SLC24A4: variants seen among roughly 807,000 people sequenced by gnomAD.
SLC24A4 encodes the protein sodium/potassium/calcium exchanger 4.
A neutral mutation model predicts 79.0 loss-of-function variants in SLC24A4; 53 were observed. The observed-to-expected ratio is 0.67, with a 90% CI of 0.54 to 0.84. SLC24A4 has a LOEUF of 0.84. Among genes scored for constraint, SLC24A4 ranks in the 40% least tolerant of loss-of-function variants. SLC24A4 has a pLI of 0.00. For synonymous variants in SLC24A4, 323 were observed against 323.8 expected, an observed-to-expected ratio of 1.00 and a Z score of 0.03; for missense variants, 731 against 822.0, an observed-to-expected ratio of 0.89 and a Z score of 1.35.
At position 92,454,186 on chromosome 14, in the gene SLC24A4, G is replaced by A. The variant is rs544037311; in HGVS notation, c.1050+117G>A. The A allele has an allele frequency of 1.9e-4, 216 of 1,119,126 alleles. 3 individuals carry two copies. In the South Asian group the frequency reaches 3.3e-3, roughly 17 times the overall value. The allele number at this position is 1,119,126 out of a possible 1,614,324, so 69.3% of individuals were successfully genotyped here. A position where few individuals can be genotyped will look rare whatever the true frequency, so the allele number is the denominator to read the frequency against. On this transcript the variant is annotated intron_variant, in intron 11 of 16. Coordinates refer to ENST00000532405, the MANE Select transcript of SLC24A4 (RefSeq NM_153646.4). ...CACCTGTTTAAGGAAGGATGCCCTG[G>A]GGCCTCCAGAAGCCTGCCCATCAGC...
At chr14:92,465,688 C>T (rs956528207) in intron 12 of SLC24A4, among the ~76,000 whole-genome samples, 3 of 152,136 alleles carry the variant, frequency 2.0e-5, no homozygotes, top group Non-Finnish European at 4.4e-5. Context: ...CTGTGTCACT[C>T]GACTGTGCCT....
chr14:92,483,924 G>A, intron 13 of SLC24A4: 1 of 1,265,218 alleles, frequency 7.9e-7, no homozygotes, highest in Non-Finnish European at 1.0e-6. Flanking sequence ...GCTGGCCCAG[G>A]GGCCACCTTT....
intron 12 of SLC24A4, among the ~76,000 whole-genome samples, chr14:92,471,552 C>T (rs758486559): frequency 6.6e-6 from 1 of 152,118 alleles, no homozygotes; most frequent in Non-Finnish European, 1.5e-5. Context: ...AAGGTTGACC[C>T]TTGTTATATT....
At chr14:92,365,846 G>T (rs902603965) in intron 2 of SLC24A4, among the ~76,000 whole-genome samples, 1 of 152,154 alleles carries the variant, frequency 6.6e-6, no homozygotes, top group South Asian at 2.1e-4. Context: ...GCCCAAGGTC[G>T]CATGGTGTAA....
Position 92,494,196 on chromosome 14 carries a change from C to A in SLC24A4, c.*568C>A, listed in dbSNP as rs1353485833. The A allele has an allele frequency of 6.6e-6, 1 of 152,596 alleles. No homozygotes were observed. The highest frequency in any genetic ancestry group is 1.9e-4 in the East Asian group (1 of 5,198). 9.5% of individuals were successfully genotyped at this position (152,596 alleles called of 1,614,324 possible). On this transcript the variant is annotated 3_prime_UTR_variant, in exon 17 of 17. Transcript: ENST00000532405. This position sits in a 1 kb window ranked among gnomAD's most constrained non-coding sequence, Gnocchi z 4.6. ...GGCCCATGATGGCAGACATTCTACC[C>A]CTTTTCCTGGAAAAACTGGAAGAAT...
chr14:92,364,815 C>T (rs1055895890), intron 2 of SLC24A4, among the ~76,000 whole-genome samples: 1 of 152,226 alleles, frequency 6.6e-6, no homozygotes, highest in African/African-American at 2.4e-5. Flanking sequence ...CCTGCTCCAT[C>T]ATAGCCAACG....
At chr14:92,364,833 A>G (rs1017696327) in intron 2 of SLC24A4, among the ~76,000 whole-genome samples, 7 of 151,886 alleles carry the variant, frequency 4.6e-5, no homozygotes, top group African/African-American at 1.7e-4. Flanking sequence ...ACGGAATCTC[A>G]AGCATGTCTG....
chr14:92,372,981 CTCTCCCTCT>C (rs1432003459), intron 2 of SLC24A4, among the ~76,000 whole-genome samples: 1,400 of 136,370 alleles, frequency 0.01, 51 homozygotes, highest in Non-Finnish European at 0.017. Context: ...CCCCCCCTCC[CTCTCCCTCT>C]CTCTCTCTTC....
chr14:92,381,349 C>T (rs1252374308), intron 2 of SLC24A4, among the ~76,000 whole-genome samples: 1 of 125,896 alleles, frequency 7.9e-6, no homozygotes, highest in Non-Finnish European at 1.8e-5. Flanking sequence ...CCAAACACTG[C>T]ATGTTCTCAC....
At chr14:92,352,904 A>C (rs1041081383) in intron 2 of SLC24A4, among the ~76,000 whole-genome samples, 4 of 152,340 alleles carry the variant, frequency 2.6e-5, no homozygotes, top group South Asian at 4.1e-4. Context: ...TTGTCTGAGA[A>C]TGTCATTCTA....
chr14:92,386,710 G>C (rs1889177130), intron 2 of SLC24A4, among the ~76,000 whole-genome samples: 1 of 152,228 alleles, frequency 6.6e-6, no homozygotes, highest in South Asian at 2.1e-4. Flanking sequence ...TGCTAAAGGG[G>C]TTTGTTTGAC....
chr14:92,449,225 G>C lies in SLC24A4; in HGVS notation c.880+9G>C, dbSNP rs1182884823. On this transcript the variant is annotated intron_variant, in intron 10 of 16. Transcript: ENST00000532405. The stretch of plus-strand genomic sequence containing the variant: ...GCCATTGCTGGGGCAAGGTAAGGCT[G>C]AGCAGACAGGAGTGGGCAGAAATGT... 1 of 1,613,622 alleles carries C rather than the reference G, an allele frequency of 6.2e-7. No individual in the cohort carries two copies. The highest frequency in any genetic ancestry group is 8.5e-7 in the Non-Finnish European group (1 of 1,179,796).
At chr14:92,480,750 G>T (rs1249590848) in intron 12 of SLC24A4, among the ~76,000 whole-genome samples, 4 of 151,996 alleles carry the variant, frequency 2.6e-5, no homozygotes, top group African/African-American at 4.8e-5. Flanking sequence ...TTAGGAGTAT[G>T]TTATTTCATT....
chr14:92,384,513 G>T (rs1279367034), intron 2 of SLC24A4, among the ~76,000 whole-genome samples: 1 of 151,964 alleles, frequency 6.6e-6, no homozygotes, highest in African/African-American at 2.4e-5. Flanking sequence ...ATTTGAAGTT[G>T]AATTGGCTAA....
At chr14:92,352,283 T>C (rs1326251210) in intron 2 of SLC24A4, among the ~76,000 whole-genome samples, 1 of 152,110 alleles carries the variant, frequency 6.6e-6, no homozygotes, top group East Asian at 1.9e-4. Context: ...TAACTTGAGA[T>C]ACATTAGACA....
intron 1 of SLC24A4, among the ~76,000 whole-genome samples, chr14:92,324,363 G>C (rs1044092702): frequency 2.0e-4 from 30 of 152,254 alleles, no homozygotes; most frequent in African/African-American, 7.0e-4. Flanking sequence ...CCGCCACTGC[G>C]TCTCGCCCCT....
rs570161862 is a variant in SLC24A4, at chr14:92,398,025, C to T, written c.242-35887C>T. ...TAACGAGACTCTCCCCTATGCCAGG[C>T]CCTGCGCACATGTGACCTTCTCTGT... On this transcript the variant is annotated intron_variant, in intron 2 of 16. Coordinates refer to ENST00000532405, the MANE Select transcript of SLC24A4 (RefSeq NM_153646.4). The surrounding 1 kb of genome is among the most constrained non-coding windows in gnomAD (Gnocchi z 4.1). 6.6e-6 allele frequency among the ~76,000 whole-genome samples: 1 copy of T among 152,234 alleles called. No individual in the cohort carries two copies. Among genetic ancestry groups the T allele is most frequent in the Non-Finnish European group, 1.5e-5 (1 of 68,038 alleles).
chr14:92,357,624 A>G (rs1887252920), intron 2 of SLC24A4, among the ~76,000 whole-genome samples: 1 of 152,224 alleles, frequency 6.6e-6, no homozygotes, highest in African/African-American at 2.4e-5. Flanking sequence ...CTCCACTGAT[A>G]TGAGGTACCT....
At chr14:92,410,281 A>C (rs933611476) in intron 2 of SLC24A4, among the ~76,000 whole-genome samples, 1 of 152,190 alleles carries the variant, frequency 6.6e-6, no homozygotes, top group Non-Finnish European at 1.5e-5. Flanking sequence ...TCCTGGGCTC[A>C]AGTGATCCTC....
Sources: gnomAD v4.1 joint callset for allele counts (sites outside exome capture counted in the v4.1 genomes callset) on GRCh38, gnomAD v4.1.1 for gene constraint, Gnocchi (gnomAD v3.1) non-coding constraint, MANE v1.5 for transcripts, NCBI Gene and HGNC (gene_info 2026-07-23, HGNC 2026-07-21) for gene names.